The following PTGDS variants were observed in gnomAD, a reference collection of about 807,000 sequenced individuals.
PTGDS encodes the protein prostaglandin-H2 D-isomerase.
In PTGDS, 21 loss-of-function variants were observed where a neutral mutation model predicts 28.4. The observed-to-expected ratio is 0.74, with a 90% CI of 0.52 to 1.07. PTGDS has a LOEUF of 1.07. PTGDS is among the 50% of genes least tolerant of loss of function. The pLI, the probability that PTGDS is intolerant of heterozygous loss-of-function variation, is 0.00. For missense variants in PTGDS, 243 were observed against 247.7 expected (o/e 0.98, Z 0.13); for synonymous variants, 102 against 106.0 (o/e 0.96, Z 0.23).
chr9:136,978,956 G>T (rs778834190), intron 1 of PTGDS, 37 bp from the exon 2 acceptor site: 1 of 1,597,944 alleles, frequency 6.3e-7, no homozygotes, highest in Non-Finnish European at 8.5e-7. Flanking sequence ...GGGTCCGGAG[G>T]GTCCTGGCCG....
In PTGDS at chr9:136,977,698, G is replaced by A. The variant is rs1366394214; in HGVS notation, c.114+6G>A. 4 of 1,580,470 alleles carry A rather than the reference G, an allele frequency of 2.5e-6. No individual in the cohort carries two copies. The highest frequency in any genetic ancestry group is 3.4e-6 in the Non-Finnish European group (4 of 1,165,378). The stretch of plus-strand genomic sequence containing the variant: ...CCAACTTCCAGCAGGACAAGGTGAG[G>A]GGCTTTCCTGCGTCATCCCCAAGGG... On this transcript the variant is annotated splice_donor_region_variant and intron_variant, in intron 1 of 6. Coordinates refer to ENST00000371625, the MANE Select transcript of PTGDS (RefSeq NM_000954.6).
Position 136,979,549 on chromosome 9 carries a change from C to T in PTGDS, c.331+250C>T, listed in dbSNP as rs1332657740. ...TTGTCTTGTCAGGCCCCTTCCCTGC[C>T]CTCTGGAGTTTTCCCCACATAAGCA... On this transcript the variant is annotated intron_variant, in intron 3 of 6. Transcript: ENST00000371625. 7 of 1,201,198 alleles carry T rather than the reference C, an allele frequency of 5.8e-6. No individual in the cohort carries two copies. The South Asian group carries it at 7.7e-5, about 13-fold the overall frequency. The allele number at this position is 1,201,198 out of a possible 1,614,324, so 74.4% of individuals were successfully genotyped here. A position where few individuals can be genotyped will look rare whatever the true frequency, so the allele number is the denominator to read the frequency against.
At position 136,981,702 on chromosome 9, in the gene PTGDS, A is replaced by G. The variant is rs13306; in HGVS notation, c.*124A>G. 144,266 of 152,416 alleles carry G rather than the reference A, an allele frequency of 0.95. 68,362 individuals are homozygous for G. The highest frequency in any genetic ancestry group is 1 in the East Asian group (5,178 of 5,180). 9.4% of individuals were successfully genotyped at this position (152,416 alleles called of 1,614,324 possible). A position where few individuals can be genotyped will look rare whatever the true frequency, so the allele number is the denominator to read the frequency against. ...CCCGCCAAAGCAACCCTGCCCACTC[A>G]GGCTTCATCCTGCACAATAAACTCC... On this transcript the variant is annotated 3_prime_UTR_variant, in exon 7 of 7. Transcript: ENST00000371625.
At chr9:136,978,352 G>A (rs1260479798) in intron 1 of PTGDS, among the ~76,000 whole-genome samples, 2 of 151,774 alleles carry the variant, frequency 1.3e-5, no homozygotes, top group Non-Finnish European at 2.9e-5. Flanking sequence ...GCTGGTGGGC[G>A]GCGTGCGAGG....
Position 136,977,555 on chromosome 9 carries a change from G to C in PTGDS, c.-24G>C, listed in dbSNP as rs781284020. ...TCCCACACCACTGGCACCAGGCCCC[G>C]GACACCCGCTCTGCTGCAGGAGAAT... is the stretch of plus-strand genomic sequence containing the variant. On this transcript the variant is annotated 5_prime_UTR_variant, in exon 1 of 7. Transcript: ENST00000371625. 18 of 1,552,656 alleles carry C rather than the reference G, an allele frequency of 1.2e-5. No individual in the cohort carries two copies. The highest frequency in any genetic ancestry group is 1.7e-4 in the Middle Eastern group (1 of 5,874).
In PTGDS at chr9:136,979,263, G is replaced by A. The variant is rs747346787; in HGVS notation, c.295G>A (p.Ala99Thr). ...GACCCGAACCATGCTGCTGCAGCCCGCGGGGTCCCTCGGCTCCTACAGCTA... is the reference window on the plus strand; with the variant it reads ...GACCCGAACCATGCTGCTGCAGCCCACGGGGTCCCTCGGCTCCTACAGCTA... Reference protein sequence around the residue: ...CETRTMLLQPAGSLGSYSYRS... With the variant: ...CETRTMLLQPTGSLGSYSYRS... The change falls in exon 3 of 7, where the codon GCG becomes ACG. Residue 99 changes from alanine to threonine, a missense_variant. Transcript: ENST00000371625. 6 of 1,612,344 alleles carry A rather than the reference G, an allele frequency of 3.7e-6. No individual in the cohort carries two copies. The highest frequency in any genetic ancestry group is 5.1e-6 in the Non-Finnish European group (6 of 1,179,676).
chr9:136,979,092 G>A lies in PTGDS; in HGVS notation c.214G>A (p.Ala72Thr). 6.2e-7 allele frequency: 1 copy of A among 1,611,624 alleles called. No homozygotes were observed. The highest frequency in any genetic ancestry group is 8.5e-7 in the Non-Finnish European group (1 of 1,179,200). Residue 72 changes from alanine to threonine, a missense_variant, in exon 2 of 7, where the codon GCC (alanine) becomes ACC (threonine). Transcript: ENST00000371625. Reference protein sequence around the residue: ...LSMCKSVVAPATDGGLNLTST... With the variant: ...LSMCKSVVAPTTDGGLNLTST... ...CATGTGCAAGTCTGTGGTGGCCCCT[G>A]CCACGGATGGTGGCCTCAACCTGAC...
At chr9:136,980,761 A>G in intron 5 of PTGDS, 72 bp from the exon 6 acceptor site, 1 of 1,613,876 alleles carries the variant, frequency 6.2e-7, no homozygotes, top group Non-Finnish European at 8.5e-7. Context: ...TACGGGAGGA[A>G]CAGGAAGCCC....
intron 5 of PTGDS, among the ~76,000 whole-genome samples, chr9:136,980,512 C>A (rs929753135): frequency 6.6e-6 from 1 of 152,222 alleles, no homozygotes; most frequent in African/African-American, 2.4e-5. Flanking sequence ...CTGTGCCAGG[C>A]CCCAGCAGCT....
chr9:136,980,758 G>A, intron 5 of PTGDS, 75 bp from the exon 6 acceptor site: 1 of 1,613,924 alleles, frequency 6.2e-7, no homozygotes, highest in Non-Finnish European at 8.5e-7. Flanking sequence ...CGTTACGGGA[G>A]GAACAGGAAG....
In PTGDS at chr9:136,979,238, G is replaced by T; in HGVS notation, c.270G>T (p.Glu90Asp). 6.2e-7 allele frequency: 1 copy of T among 1,612,986 alleles called. No individual in the cohort carries two copies. Among genetic ancestry groups the T allele is most frequent in the East Asian group, 2.2e-5 (1 of 44,882 alleles). ...TSTFLRKNQC[E>D]TRTMLLQPAG... ...CCACCTACAGGAAAAACCAGTGTGA[G>T]ACCCGAACCATGCTGCTGCAGCCCG... The change falls in exon 3 of 7, where the codon GAG (glutamate) becomes GAT (aspartate). Residue 90 changes from glutamate to aspartate, a missense_variant. Glu to Asp is a conservative substitution (Grantham distance 45, BLOSUM62 2). Coordinates refer to ENST00000371625, the MANE Select transcript of PTGDS (RefSeq NM_000954.6).
At chr9:136,978,083 G>T (rs1003258009) in intron 1 of PTGDS, among the ~76,000 whole-genome samples, 2 of 152,188 alleles carry the variant, frequency 1.3e-5, no homozygotes, top group African/African-American at 4.8e-5. Context: ...CGCGGTGGGG[G>T]TTGGGAGGGA....
chr9:136,979,381 C>T (rs1353922024), intron 3 of PTGDS, 82 bp downstream of exon 3: 1 of 1,578,266 alleles, frequency 6.3e-7, no homozygotes, highest in African/African-American at 1.4e-5. Context: ...CCCCCTGCCG[C>T]GGAGATCCAT....
At chr9:136,978,492 T>C (rs1391232336) in intron 1 of PTGDS, among the ~76,000 whole-genome samples, 1 of 75,466 alleles carries the variant, frequency 1.3e-5, no homozygotes, top group Admixed American at 1.4e-4. Context: ...GGCGTGGTCA[T>C]CTCCTGGGGC....
chr9:136,979,892 G>C (rs1314337314), intron 3 of PTGDS, 54 bp from the exon 4 acceptor site: 5 of 1,518,110 alleles, frequency 3.3e-6, no homozygotes, highest in African/African-American at 2.7e-5. Flanking sequence ...CCCTGAAGCA[G>C]AGGTGAGGTT....
At chr9:136,977,804 G>C (rs1830389055) in intron 1 of PTGDS, 112 bp downstream of exon 1, 1 of 1,033,316 alleles carries the variant, frequency 9.7e-7, no homozygotes, top group African/African-American at 1.7e-5. Context: ...CGCAGTGCCG[G>C]GCAGTGCCGG....
Position 136,977,709 on chromosome 9 carries a change from C to A in PTGDS, c.114+17C>A. On this transcript the variant is annotated intron_variant, in intron 1 of 6. Transcript: ENST00000371625. ...CAGGACAAGGTGAGGGGCTTTCCTG[C>A]GTCATCCCCAAGGGCTACAGGACCC... is the stretch of plus-strand genomic sequence containing the variant. 6.4e-7 allele frequency: 1 copy of A among 1,559,772 alleles called. No homozygotes were observed.
At position 136,978,090 on chromosome 9, in the gene PTGDS, G is replaced by A. The variant is rs1830392637; in HGVS notation, c.114+398G>A. Among the ~76,000 whole-genome samples the A allele has an allele frequency of 3.3e-5, 5 of 152,178 alleles. No individual in the cohort carries two copies. The South Asian group carries it at 6.2e-4, about 19-fold the overall frequency. ...ACTCCGTGCGCGGTGGGGGTTGGGA[G>A]GGACGCGCACCGCACAGACAGCCGG... is the stretch of plus-strand genomic sequence containing the variant. On this transcript the variant is annotated intron_variant, in intron 1 of 6. Coordinates refer to ENST00000371625, the MANE Select transcript of PTGDS (RefSeq NM_000954.6).
intron 3 of PTGDS, chr9:136,979,665 G>A (rs1830424525): frequency 1.6e-6 from 1 of 607,566 alleles, no homozygotes; most frequent in Admixed American, 3.0e-5. Flanking sequence ...TGGCTCCCAC[G>A]GGGAAACCTC....
Sources: gnomAD v4.1 joint callset for allele counts (sites outside exome capture counted in the v4.1 genomes callset) on GRCh38, gnomAD v4.1.1 for gene constraint, MANE v1.5 for transcripts, NCBI Gene and HGNC (gene_info 2026-07-23, HGNC 2026-07-21) for gene names.